IL1RAPL2: variants seen among roughly 807,000 people sequenced by gnomAD.
IL1RAPL2 encodes interleukin 1 receptor accessory protein like 2.
Under a neutral mutation model 44.1 loss-of-function variants are expected in IL1RAPL2, and 3 were observed. That is an observed-to-expected ratio of 0.07 (90% CI 0.03 to 0.18). The LOEUF (loss-of-function observed/expected upper bound fraction) is 0.18. Ranked by LOEUF, IL1RAPL2 falls within the 10% of genes least tolerant of loss-of-function variation. The pLI is 1.00. For synonymous variants in IL1RAPL2, 181 were observed against 178.8 expected, an observed-to-expected ratio of 1.01 and a Z score of -0.10; for missense variants, 391 against 496.4, an observed-to-expected ratio of 0.79 and a Z score of 2.02.
chrX:105,447,154 AATATAAATAT>A lies in IL1RAPL2; in HGVS notation c.698-37143_698-37134del, dbSNP rs1241562688. ...ATATATATGAATATAAATATATATA[AATATAAATAT>A]ATATAAATATATATATAAATATAAA... On this transcript the variant is annotated intron_variant, in intron 5 of 10. Transcript: ENST00000372582. Among the ~76,000 whole-genome samples, 60 of 44,585 alleles carry A rather than the reference AATATAAATAT, an allele frequency of 1.3e-3. 2 individuals are homozygous for A. The highest frequency in any genetic ancestry group is 4.9e-3 in the African/African-American group (54 of 11,042). 38.7% of individuals were successfully genotyped at this position (44,585 alleles called of 115,157 possible).
At chrX:104,736,284 CAGA>C (rs755203761) in intron 2 of IL1RAPL2, among the ~76,000 whole-genome samples, 1 of 112,149 alleles carries the variant, frequency 8.9e-6, no homozygotes, top group South Asian at 3.7e-4. Flanking sequence ...TTCTCTTCCT[CAGA>C]AGATTATATA....
At chrX:105,139,227 A>C (rs2033104355) in intron 2 of IL1RAPL2, among the ~76,000 whole-genome samples, 1 of 112,163 alleles carries the variant, frequency 8.9e-6, no homozygotes, top group African/African-American at 3.2e-5. Flanking sequence ...TGTGTGTAAA[A>C]GGACAAATTC....
intron 5 of IL1RAPL2, among the ~76,000 whole-genome samples, chrX:105,440,725 A>G (rs2035914426): frequency 8.9e-6 from 1 of 112,370 alleles, no homozygotes; most frequent in African/African-American, 3.2e-5. Flanking sequence ...GAAATGTTCA[A>G]TCGGTGATAT....
chrX:105,221,175 C>T (rs1423051747), intron 3 of IL1RAPL2, among the ~76,000 whole-genome samples: 2 of 111,295 alleles, frequency 1.8e-5, no homozygotes, highest in African/African-American at 3.3e-5. Context: ...ACAAAAGCAG[C>T]CATAAATAAT....
chrX:104,734,332 C>T (rs1931975688), intron 2 of IL1RAPL2, among the ~76,000 whole-genome samples: 1 of 112,358 alleles, frequency 8.9e-6, no homozygotes, highest in Non-Finnish European at 1.9e-5. Context: ...CTTGTACACA[C>T]AAACCTGCAT....
intron 2 of IL1RAPL2, among the ~76,000 whole-genome samples, chrX:104,995,530 A>C (rs2147733859): frequency 8.9e-6 from 1 of 111,865 alleles, no homozygotes; most frequent in South Asian, 3.7e-4. Flanking sequence ...CATTGTAACT[A>C]AAAAAAGCAG....
At chrX:104,628,709 C>A (rs966831049) in intron 1 of IL1RAPL2, among the ~76,000 whole-genome samples, 1 of 111,792 alleles carries the variant, frequency 8.9e-6, no homozygotes, top group African/African-American at 3.2e-5. Flanking sequence ...TTTGAGAAAT[C>A]TCCATACTGT....
chrX:105,109,425 G>GA (rs747948868), intron 2 of IL1RAPL2, among the ~76,000 whole-genome samples: 48 of 112,156 alleles, frequency 4.3e-4, no homozygotes, highest in African/African-American at 1.5e-3. Flanking sequence ...ATTTAGCCAT[G>GA]AAAAATAATA....
intron 1 of IL1RAPL2, chrX:104,647,643 G>A (rs1475319455): frequency 1.8e-6 from 1 of 542,249 alleles, no homozygotes; most frequent in Non-Finnish European, 3.4e-6. Flanking sequence ...GTGATGGATG[G>A]CAGCACACGC....
intron 2 of IL1RAPL2, among the ~76,000 whole-genome samples, chrX:105,055,208 T>C (rs1467114706): frequency 8.9e-6 from 1 of 111,852 alleles, no homozygotes; most frequent in Non-Finnish European, 1.9e-5. Context: ...GACAGTGGTC[T>C]TCTTGCTGTG....
intron 5 of IL1RAPL2, among the ~76,000 whole-genome samples, chrX:105,340,105 A>G (rs2035059552): frequency 9.0e-6 from 1 of 111,674 alleles, no homozygotes; most frequent in South Asian, 3.7e-4. Context: ...CCACATCTAC[A>G]TAGTGGAAGT....
At chrX:104,648,327 T>G (rs1278197470) in intron 1 of IL1RAPL2, among the ~76,000 whole-genome samples, 1 of 112,319 alleles carries the variant, frequency 8.9e-6, no homozygotes, top group African/African-American at 3.2e-5. Flanking sequence ...CATACTGCAT[T>G]GACCATCCTT....
At chrX:104,690,327 G>A (rs762323033) in intron 2 of IL1RAPL2, among the ~76,000 whole-genome samples, 5 of 111,952 alleles carry the variant, frequency 4.5e-5, no homozygotes, top group East Asian at 2.8e-4. Flanking sequence ...TGCCAATATC[G>A]CCAAGGGCCT....
chrX:104,574,589 T>C (rs1928210990), intron 1 of IL1RAPL2, among the ~76,000 whole-genome samples: 1 of 112,197 alleles, frequency 8.9e-6, no homozygotes, highest in African/African-American at 3.2e-5. Context: ...CTAAAACATG[T>C]ATACACAAGG....
chrX:105,557,088 A>T (rs2036901650), intron 6 of IL1RAPL2, among the ~76,000 whole-genome samples: 1 of 112,051 alleles, frequency 8.9e-6, no homozygotes, highest in African/African-American at 3.2e-5. Context: ...TGAAGTCGAA[A>T]GTCTTTTCAT....
chrX:105,231,063 A>T (rs971460896), intron 3 of IL1RAPL2, among the ~76,000 whole-genome samples: 20 of 112,286 alleles, frequency 1.8e-4, no homozygotes, highest in Middle Eastern at 4.6e-3. Context: ...AAATTTTTTA[A>T]CAAGTATGTC....
chrX:105,219,242 A>T, intron 3 of IL1RAPL2: 1 of 1,210,430 alleles, frequency 8.3e-7, no homozygotes, highest in East Asian at 3.0e-5. Context: ...TGTGGAGGGG[A>T]TATAGTGGGT....
chrX:105,407,099 C>CTT, intron 5 of IL1RAPL2: 1 of 558,004 alleles, frequency 1.8e-6, no homozygotes, highest in Non-Finnish European at 3.1e-6. Flanking sequence ...TTCCTTATCA[C>CTT]TTTTCTTTCT....
chrX:105,730,960 G>T (rs1454433886), intron 7 of IL1RAPL2, among the ~76,000 whole-genome samples: 1 of 110,331 alleles, frequency 9.1e-6, no homozygotes, highest in Non-Finnish European at 1.9e-5. Context: ...ACCTAACAAT[G>T]CACCTCAAGG....
Sources: gnomAD v4.1 joint callset for allele counts (sites outside exome capture counted in the v4.1 genomes callset) on GRCh38, gnomAD v4.1.1 for gene constraint, MANE v1.5 for transcripts, NCBI Gene and HGNC (gene_info 2026-07-23, HGNC 2026-07-21) for gene names.